The following FN1 variants were observed in gnomAD, a reference collection of about 807,000 sequenced individuals.
FN1 encodes fibronectin.
A neutral mutation model predicts 297.3 loss-of-function variants in FN1; 106 were observed. The ratio of observed to expected loss-of-function variants is 0.36; its 90% CI spans 0.30 to 0.42. The LOEUF is 0.42. Ranked by LOEUF, FN1 falls within the 10% of genes least tolerant of loss-of-function variation. FN1 has a pLI of 1.00. For missense variants in FN1, 2,690 were observed against 3,124.9 expected (o/e 0.86, Z 3.32); for synonymous variants, 1,149 against 1,152.6 (o/e 1.00, Z 0.06).
At chr2:215,401,246 GAAA>G (rs759929361) in intron 20 of FN1, among the ~76,000 whole-genome samples, 3,450 of 63,342 alleles carry the variant, frequency 0.054, 148 homozygotes, top group East Asian at 0.12. Context: ...AAGAAAGAAA[GAAA>G]GGAAGAAAGA....
intron 20 of FN1, among the ~76,000 whole-genome samples, chr2:215,403,615 T>G (rs2061408377): frequency 1.3e-5 from 2 of 152,214 alleles, no homozygotes. Flanking sequence ...TAAATGGAAA[T>G]GTATTTAATA....
rs1473388553 is a variant in FN1, at chr2:215,367,904, C to T, written c.6977G>A (p.Cys2326Tyr). Reference sequence around the variant, plus strand: ...GAAATGACCACTTCCAAAGCCTAAGCACTGGCACAACAGTTTAAAGCCTGA... The same window carrying T: ...GAAATGACCACTTCCAAAGCCTAAGTACTGGCACAACAGTTTAAAGCCTGA... ...SESGFKLLCQ[C>Y]LGFGSGHFRC... The change falls in exon 42 of 46, where the codon TGC (cysteine) becomes TAC (tyrosine). Residue 2326 changes from cysteine to tyrosine, a missense_variant. Transcript: ENST00000354785. The T allele has an allele frequency of 6.2e-7, 1 of 1,614,130 alleles. No individual in the cohort carries two copies. The highest frequency in any genetic ancestry group is 8.5e-7 in the Non-Finnish European group (1 of 1,179,984).
At position 215,431,850 on chromosome 2, in the gene FN1, C is replaced by A; in HGVS notation, c.530G>T (p.Trp177Leu). Residue 177 changes from tryptophan (W) to leucine (L), a missense_variant, in exon 4 of 46, where the codon TGG becomes TTG. By Grantham distance (61) the Trp-to-Leu change is moderately conservative. Coordinates refer to ENST00000354785, the MANE Select transcript of FN1 (RefSeq NM_212482.4). ...CVCLGNGKGE[W>L]TCKPIAEKCF... ...TCACACACCTATGGGCTTGCAGGTC[C>A]ATTCTCCTTTTCCATTACCAAGACA... The A allele has an allele frequency of 6.2e-7, 1 of 1,614,172 alleles. No homozygotes were observed. Among genetic ancestry groups the A allele is most frequent in the Non-Finnish European group, 8.5e-7 (1 of 1,180,028 alleles).
intron 42 of FN1, among the ~76,000 whole-genome samples, chr2:215,366,914 T>C (rs1268149155): frequency 1.3e-5 from 2 of 152,270 alleles, no homozygotes; most frequent in Admixed American, 6.5e-5. Flanking sequence ...GTGATGTTTT[T>C]AGTGTTTTTC....
At position 215,420,713 on chromosome 2, in the gene FN1, G is replaced by A; in HGVS notation, c.1635C>T (p.Cys545=). The part of the protein sequence containing the change: ...HEEGHMLNCT[C]FGQGRGRWKC... ...TCCACCTGCCCCGACCCTGACCGAAGCATGTACAGTTCAGCATGTGCCCCT... is the reference window on the plus strand; with the variant it reads ...TCCACCTGCCCCGACCCTGACCGAAACATGTACAGTTCAGCATGTGCCCCT... The change falls in exon 11 of 46, where the codon TGC becomes TGT. Residue 545 remains cysteine, a synonymous_variant. Coordinates refer to ENST00000354785, the MANE Select transcript of FN1 (RefSeq NM_212482.4). 1 of 1,614,144 alleles carries A rather than the reference G, an allele frequency of 6.2e-7. No individual in the cohort carries two copies. The highest frequency in any genetic ancestry group is 8.5e-7 in the Non-Finnish European group (1 of 1,180,002).
At chr2:215,418,570 A>G (rs905402787) in intron 12 of FN1, among the ~76,000 whole-genome samples, 4 of 152,160 alleles carry the variant, frequency 2.6e-5, no homozygotes, top group Admixed American at 6.6e-5. Flanking sequence ...TTTTATTAAC[A>G]TGTTTTATTA....
intron 20 of FN1, among the ~76,000 whole-genome samples, chr2:215,402,662 T>G (rs539930875): frequency 7.9e-5 from 12 of 152,356 alleles, no homozygotes; most frequent in African/African-American, 2.9e-4. Context: ...ATAAGCTTCA[T>G]TTAGCTGTTT....
At chr2:215,375,603 A>G in intron 37 of FN1, 26 bp downstream of exon 37, 3 of 1,517,556 alleles carry the variant, frequency 2.0e-6, no homozygotes, top group Non-Finnish European at 2.7e-6. Flanking sequence ...AGTCAATGGC[A>G]TTTCCTCAGT....
At chr2:215,388,697 T>C (rs1012600450) in intron 26 of FN1, among the ~76,000 whole-genome samples, 1 of 152,222 alleles carries the variant, frequency 6.6e-6, no homozygotes, top group Non-Finnish European at 1.5e-5. Context: ...GGAAGGTAGT[T>C]TGCTCCTTTT....
chr2:215,384,080 C>G lies in FN1; in HGVS notation c.4834G>C (p.Val1612Leu). The change falls in exon 30 of 46, where the codon GTC becomes CTC. Residue 1612 changes from valine to leucine, a missense_variant. Physicochemically the swap from Val to Leu is conservative, Grantham distance 32 (BLOSUM62 1). This residue lies in a region of FN1 where 1,743 missense variants were observed against 1,945.2 expected (regional missense o/e 0.90). Transcript: ENST00000354785. Reference protein sequence around the residue: ...GVDYTITVYAVTGRGDSPASS... With the variant: ...GVDYTITVYALTGRGDSPASS... ...GCGGGGCTGTCTCCACGGCCAGTGA[C>G]AGCATACACAGTGATGGTATAATCA... is the stretch of plus-strand genomic sequence containing the variant. 6.2e-7 allele frequency: 1 copy of G among 1,614,140 alleles called. No individual in the cohort carries two copies. Among genetic ancestry groups the G allele is most frequent in the Non-Finnish European group, 8.5e-7 (1 of 1,180,012 alleles).
intron 32 of FN1, chr2:215,381,361 T>C (rs1354004039): frequency 3.0e-5 from 14 of 467,746 alleles, no homozygotes; most frequent in Non-Finnish European, 5.1e-5. Context: ...TTAAAGATAT[T>C]CTACCACGAT....
At chr2:215,434,995 A>T (rs1261597478) in intron 1 of FN1, among the ~76,000 whole-genome samples, 171 bp from the exon 2 acceptor site, 1 of 152,240 alleles carries the variant, frequency 6.6e-6, no homozygotes, top group Non-Finnish European at 1.5e-5. Context: ...AAAAAGTTGG[A>T]AACATTTTGG....
At chr2:215,424,947 T>C in intron 7 of FN1, 147 bp downstream of exon 7, 2 of 776,722 alleles carry the variant, frequency 2.6e-6, no homozygotes, top group South Asian at 3.0e-5. Flanking sequence ...GAAGAAACTA[T>C]TTCAAATGCC....
intron 40 of FN1, among the ~76,000 whole-genome samples, chr2:215,371,167 C>G (rs890939117): frequency 1.3e-5 from 2 of 151,910 alleles, no homozygotes; most frequent in Non-Finnish European, 2.9e-5. Flanking sequence ...ATTTGGGAGG[C>G]TGAGGCAGGA....
At chr2:215,404,734 T>G (rs2061554343) in intron 19 of FN1, 79 bp from the exon 20 acceptor site, 1 of 1,322,628 alleles carries the variant, frequency 7.6e-7, no homozygotes, top group African/African-American at 1.4e-5. Flanking sequence ...CTTGATTGAA[T>G]GTCTAAGTTT....
In FN1 at chr2:215,422,113, G is replaced by A; in HGVS notation, c.1524C>T (p.Cys508=). Reference sequence around the variant, plus strand: ...TACCTCGAAGCTGCGAGTAGGCAATGCATGTCCATTCCCCACGACCATTCC... The same window carrying A: ...TACCTCGAAGCTGCGAGTAGGCAATACATGTCCATTCCCCACGACCATTCC... ...CVGNGRGEWT[C]IAYSQLRDQC... The change falls in exon 10 of 46, where the codon TGC becomes TGT. Residue 508 remains cysteine, a synonymous_variant. Coordinates refer to ENST00000354785, the MANE Select transcript of FN1 (RefSeq NM_212482.4). 1 of 1,614,188 alleles carries A rather than the reference G, an allele frequency of 6.2e-7. No individual in the cohort carries two copies. The highest frequency in any genetic ancestry group is 8.5e-7 in the Non-Finnish European group (1 of 1,180,022).
intron 19 of FN1, among the ~76,000 whole-genome samples, chr2:215,405,447 C>G (rs1223823445): frequency 6.6e-6 from 1 of 152,120 alleles, no homozygotes; most frequent in East Asian, 1.9e-4. Flanking sequence ...AATACGGATA[C>G]TAGTAAGACC....
Position 215,423,997 on chromosome 2 carries a change from C to G in FN1, c.1216+149G>C, listed in dbSNP as rs914529500. 6.4e-6 allele frequency: 5 copies of G among 782,534 alleles called. No homozygotes were observed. The African/African-American group carries it at 8.5e-5, about 13-fold the overall frequency. 48.5% of individuals were successfully genotyped at this position (782,534 alleles called of 1,614,324 possible). A position where few individuals can be genotyped will look rare whatever the true frequency, so the allele number is the denominator to read the frequency against. ...AAGATGGAAGAATCCTCAGCTGTTA[C>G]GTGAGCGCTGCGATCTCTTGAGTCC... On this transcript the variant is annotated intron_variant, in intron 8 of 45. Coordinates refer to ENST00000354785, the MANE Select transcript of FN1 (RefSeq NM_212482.4).
At chr2:215,427,257 T>C (rs1005910672) in intron 6 of FN1, among the ~76,000 whole-genome samples, 1 of 152,182 alleles carries the variant, frequency 6.6e-6, no homozygotes, top group Non-Finnish European at 1.5e-5. Context: ...TCTAATCTTG[T>C]TCACCTTCAT....
Sources: allele counts gnomAD v4.1 joint callset (sites outside exome capture counted in the v4.1 genomes callset), GRCh38; gene constraint gnomAD v4.1.1; regional missense constraint gnomAD v4.1.1; transcripts MANE v1.5; gene names NCBI Gene and HGNC (gene_info 2026-07-23, HGNC 2026-07-21).